Variants in CSMD3 observed in about 807,000 individuals in gnomAD.
CSMD3 encodes CUB and sushi domain-containing protein 3.
A neutral mutation model predicts 435.2 loss-of-function variants in CSMD3; 177 were observed. The observed-to-expected ratio is 0.41, with a 90% CI of 0.36 to 0.46. The LOEUF is 0.46. Among genes scored for constraint, CSMD3 ranks in the 20% least tolerant of loss-of-function variants. The pLI is 0.34. For missense variants in CSMD3, 4,265 were observed against 4,504.6 expected (o/e 0.95, Z 1.52); for synonymous variants, 1,656 against 1,520.5 (o/e 1.09, Z -2.07).
chr8:112,567,712 C>A (rs1829172473), intron 24 of CSMD3, among the ~76,000 whole-genome samples: 1 of 152,000 alleles, frequency 6.6e-6, no homozygotes, highest in Non-Finnish European at 1.5e-5. Flanking sequence ...GCAGAATAAC[C>A]TACTGGGTTT....
intron 4 of CSMD3, among the ~76,000 whole-genome samples, chr8:113,149,426 T>G (rs1017180786): frequency 2.0e-5 from 3 of 151,876 alleles, no homozygotes; most frequent in African/African-American, 7.2e-5. Context: ...TTGCACTGCT[T>G]GTGGAAAAAT....
intron 7 of CSMD3, among the ~76,000 whole-genome samples, chr8:112,968,619 T>C (rs1212910493): frequency 1.3e-5 from 2 of 152,000 alleles, no homozygotes; most frequent in African/African-American, 4.8e-5. Flanking sequence ...AAGACAGTTT[T>C]ACCTCATCCT....
chr8:112,541,447 A>C (rs1208200749), intron 27 of CSMD3, among the ~76,000 whole-genome samples: 1 of 151,858 alleles, frequency 6.6e-6, no homozygotes, highest in Non-Finnish European at 1.5e-5. Context: ...CAGAAATAAG[A>C]GACATAAGAG....
chr8:112,819,568 G>A (rs2079471954), intron 12 of CSMD3, among the ~76,000 whole-genome samples: 1 of 152,140 alleles, frequency 6.6e-6, no homozygotes, highest in African/African-American at 2.4e-5. Flanking sequence ...ACACCTCTAG[G>A]AGGTGGGCCC....
intron 3 of CSMD3, among the ~76,000 whole-genome samples, chr8:113,260,715 G>A (rs1160079258): frequency 6.6e-6 from 1 of 151,660 alleles, no homozygotes; most frequent in East Asian, 1.9e-4. Flanking sequence ...CTATCAATTC[G>A]CCATCTAGAT....
chr8:112,701,018 C>T (rs1745988706), intron 13 of CSMD3, among the ~76,000 whole-genome samples: 2 of 152,112 alleles, frequency 1.3e-5, no homozygotes, highest in Non-Finnish European at 2.9e-5. Context: ...AGTAACATAC[C>T]ACCTTATATT....
intron 42 of CSMD3, among the ~76,000 whole-genome samples, chr8:112,338,017 C>G (rs1436063275): frequency 6.6e-6 from 1 of 152,170 alleles, no homozygotes; most frequent in Non-Finnish European, 1.5e-5. Flanking sequence ...AATGTAAACT[C>G]TTCTTAAAGC....
At chr8:112,548,942 T>C (rs1156865424) in intron 27 of CSMD3, among the ~76,000 whole-genome samples, 1 of 152,024 alleles carries the variant, frequency 6.6e-6, no homozygotes, top group African/African-American at 2.4e-5. Context: ...CCTACAAATA[T>C]AATAAATATA....
At chr8:113,174,055 T>C in intron 3 of CSMD3, 139 bp from the exon 4 acceptor site, 1 of 688,126 alleles carries the variant, frequency 1.5e-6, no homozygotes, top group Non-Finnish European at 2.5e-6. Context: ...TGTCTTCTAT[T>C]CCAATACATG....
At chr8:113,436,602 A>C (rs150386605) in intron 1 of CSMD3, 75 bp downstream of exon 1, 1 of 1,339,248 alleles carries the variant, frequency 7.5e-7, no homozygotes, top group Non-Finnish European at 1.1e-6. Flanking sequence ...TTGCAAAGTA[A>C]GCTGCCAGCC....
chr8:113,120,795 T>G (rs2090964245), intron 4 of CSMD3, among the ~76,000 whole-genome samples: 1 of 152,126 alleles, frequency 6.6e-6, no homozygotes, highest in Admixed American at 6.6e-5. Flanking sequence ...AAACTAATTT[T>G]ATGGAGTCCA....
intron 23 of CSMD3, among the ~76,000 whole-genome samples, chr8:112,576,855 T>C (rs1829986145): frequency 6.7e-6 from 1 of 149,174 alleles, no homozygotes; most frequent in Admixed American, 6.8e-5. Flanking sequence ...TATATATATA[T>C]ATGAAAGAAG....
At chr8:112,503,729 T>A (rs1822217259) in intron 30 of CSMD3, 61 bp downstream of exon 30, 1 of 1,226,962 alleles carries the variant, frequency 8.2e-7, no homozygotes, top group Non-Finnish European at 1.2e-6. Flanking sequence ...ACCAAATTAT[T>A]CTCCTGTATA....
chr8:113,156,752 A>ATAAATAAT (rs1351151389), intron 4 of CSMD3, among the ~76,000 whole-genome samples: 14 of 149,226 alleles, frequency 9.4e-5, no homozygotes, highest in East Asian at 2.0e-4. Flanking sequence ...AAATAAATAA[A>ATAAATAAT]TAAATAAATA....
At chr8:112,983,228 A>G (rs2085118264) in intron 6 of CSMD3, among the ~76,000 whole-genome samples, 1 of 151,872 alleles carries the variant, frequency 6.6e-6, no homozygotes, top group South Asian at 2.1e-4. Flanking sequence ...TAACCTACTC[A>G]TCATATCCCT....
chr8:112,281,985 T>C (rs1440771944), intron 58 of CSMD3, among the ~76,000 whole-genome samples: 1 of 152,122 alleles, frequency 6.6e-6, no homozygotes, highest in African/African-American at 2.4e-5. Flanking sequence ...CTTTTTATGA[T>C]TAACTATTTT....
intron 3 of CSMD3, among the ~76,000 whole-genome samples, chr8:113,218,904 C>T (rs892656650): frequency 1.3e-5 from 2 of 151,092 alleles, no homozygotes; most frequent in South Asian, 2.1e-4. Flanking sequence ...TTTCTATATA[C>T]CTTATACATA....
intron 4 of CSMD3, among the ~76,000 whole-genome samples, chr8:113,115,066 T>G (rs956513575): frequency 4.6e-5 from 7 of 152,224 alleles, no homozygotes; most frequent in Admixed American, 4.6e-4. Context: ...GGTCCAGCAA[T>G]GGACGTTTTA....
chr8:113,300,500 T>C (rs903684016), intron 2 of CSMD3, among the ~76,000 whole-genome samples: 1 of 152,162 alleles, frequency 6.6e-6, no homozygotes, highest in African/African-American at 2.4e-5. Context: ...TGAAGTACTG[T>C]GCAGCCATAA....
Sources: allele counts gnomAD v4.1 joint callset (sites outside exome capture counted in the v4.1 genomes callset), GRCh38; gene constraint gnomAD v4.1.1; transcripts MANE v1.5; gene names NCBI Gene and HGNC (gene_info 2026-07-23, HGNC 2026-07-21).